The following CFAP58 variants were observed in gnomAD, a reference collection of about 807,000 sequenced individuals.
CFAP58 encodes the protein cilia- and flagella-associated protein 58.
Under a neutral mutation model 119.5 loss-of-function variants are expected in CFAP58, and 88 were observed. The observed-to-expected ratio is 0.74, with a 90% CI of 0.62 to 0.88. The LOEUF is 0.88. CFAP58 is among the 40% of genes least tolerant of loss of function. CFAP58 has a pLI of 0.00. For missense variants in CFAP58, 990 were observed against 1,021.2 expected, an observed-to-expected ratio of 0.97 and a Z score of 0.42; for synonymous variants, 365 against 366.3, an observed-to-expected ratio of 1.00 and a Z score of 0.04.
At chr10:104,393,523 C>T (rs760476539) in intron 11 of CFAP58, 48 bp downstream of exon 11, 3 of 1,551,622 alleles carry the variant, frequency 1.9e-6, no homozygotes, top group South Asian at 2.4e-5. Flanking sequence ...CATCAGCCCG[C>T]TCAGGCGGCC....
chr10:104,376,375 T>C (rs2011662316), intron 7 of CFAP58, among the ~76,000 whole-genome samples: 1 of 151,628 alleles, frequency 6.6e-6, no homozygotes, highest in Non-Finnish European at 1.5e-5. Context: ...ATGGTGGTGC[T>C]GCACCTGTAG....
At chr10:104,349,084 C>T (rs1419969806), upstream of CFAP58, among the ~76,000 whole-genome samples, 1 of 152,030 alleles carries the variant, frequency 6.6e-6, no homozygotes, top group African/African-American at 2.4e-5. Flanking sequence ...CTGTCTCTAA[C>T]AAAAATATAA....
chr10:104,382,194 C>T (rs1372494173), intron 9 of CFAP58: 3 of 717,360 alleles, frequency 4.2e-6, no homozygotes, highest in South Asian at 3.0e-5. Context: ...CCTCAGGGAG[C>T]TTCTGAGCCT....
In CFAP58 at chr10:104,441,032, T is replaced by C. The variant is rs553295229; in HGVS notation, c.2257-6666T>C. Among the ~76,000 whole-genome samples the C allele has an allele frequency of 7.2e-5, 11 of 152,356 alleles. No individual in the cohort carries two copies. In the South Asian group the frequency reaches 2.1e-3, roughly 29 times the overall value. On this transcript the variant is annotated intron_variant, in intron 15 of 17. Transcript: ENST00000369704. ...TTTTTGGTGGGGAGTGGACAGAGTC[T>C]CATTCTGTCACCCAGGCTGGAGTGC... is the stretch of plus-strand genomic sequence containing the variant.
At chr10:104,356,674 G>T (rs889433396) in intron 1 of CFAP58, among the ~76,000 whole-genome samples, 1 of 142,252 alleles carries the variant, frequency 7.0e-6, no homozygotes, top group Admixed American at 6.9e-5. Context: ...TTTTTTCTGA[G>T]ATTTTTTTTT....
intron 8 of CFAP58, among the ~76,000 whole-genome samples, chr10:104,379,086 A>T (rs2011728388): frequency 6.6e-6 from 1 of 152,176 alleles, no homozygotes; most frequent in Non-Finnish European, 1.5e-5. Context: ...TACATTCACA[A>T]TGTTGGGCAA....
At chr10:104,383,211 T>C (rs947498865) in intron 9 of CFAP58, among the ~76,000 whole-genome samples, 1 of 152,222 alleles carries the variant, frequency 6.6e-6, no homozygotes, top group African/African-American at 2.4e-5. Context: ...TGGTTCCTTA[T>C]GGGCAGAGCT....
At chr10:104,438,341 G>GT (rs1325921091) in intron 15 of CFAP58, among the ~76,000 whole-genome samples, 2 of 101,290 alleles carry the variant, frequency 2.0e-5, no homozygotes, top group African/African-American at 4.5e-5. Context: ...TTTGTTTTTT[G>GT]TTTTTTGTTT....
At position 104,446,396 on chromosome 10, in the gene CFAP58, T is replaced by G. The variant is rs143468551; in HGVS notation, c.2257-1302T>G. On this transcript the variant is annotated intron_variant, in intron 15 of 17. Transcript: ENST00000369704. Reference sequence around the variant, plus strand: ...TTTTTAAGTTGCATACACTCTTCTATAAATAGAGCTATGTTTTTGTAATGG... The same window carrying G: ...TTTTTAAGTTGCATACACTCTTCTAGAAATAGAGCTATGTTTTTGTAATGG... Among the ~76,000 whole-genome samples the G allele has an allele frequency of 3.4e-3, 521 of 152,358 alleles. 1 individual carries two copies. The highest frequency in any genetic ancestry group is 5.4e-3 in the Non-Finnish European group (364 of 68,032).
chr10:104,430,444 CACTT>C (rs1446941804), intron 15 of CFAP58, among the ~76,000 whole-genome samples: 1 of 152,232 alleles, frequency 6.6e-6, no homozygotes, highest in Admixed American at 6.5e-5. Flanking sequence ...ATTACCTTCT[CACTT>C]ACAGTCTTCT....
At chr10:104,379,366 G>A (rs1037753037) in intron 8 of CFAP58, among the ~76,000 whole-genome samples, 1 of 152,152 alleles carries the variant, frequency 6.6e-6, no homozygotes, top group Non-Finnish European at 1.5e-5. Context: ...ACGGCTGAAT[G>A]CTATTCCACT....
intron 3 of CFAP58, among the ~76,000 whole-genome samples, chr10:104,362,735 C>G (rs1191549515): frequency 6.6e-6 from 1 of 152,182 alleles, no homozygotes; most frequent in East Asian, 1.9e-4. Flanking sequence ...GTCTCCCTGC[C>G]TACAGAAGAC....
intron 6 of CFAP58, among the ~76,000 whole-genome samples, chr10:104,369,215 T>G (rs989667987): frequency 2.0e-5 from 3 of 152,234 alleles, no homozygotes; most frequent in African/African-American, 7.2e-5. Context: ...ATACTGGATG[T>G]AAAAAGAGTG....
intron 15 of CFAP58, among the ~76,000 whole-genome samples, chr10:104,437,095 T>C (rs1019622128): frequency 1.3e-5 from 2 of 152,246 alleles, no homozygotes; most frequent in Non-Finnish European, 2.9e-5. Context: ...TTCTAGTTGT[T>C]TTATTTGGGC....
Position 104,399,368 on chromosome 10 carries a change from G to A in CFAP58, c.1683G>A (p.Leu561=). 6.2e-7 allele frequency: 1 copy of A among 1,613,626 alleles called. No individual in the cohort carries two copies. Among genetic ancestry groups the A allele is most frequent in the Non-Finnish European group, 8.5e-7 (1 of 1,179,732 alleles). ...EKEKETLKAE[L]QKLRQQALET... ...CTTCCACTCTTTGTCAGGCTGAGCT[G>A]CAGAAGCTGAGACAACAAGCCCTGG... Residue 561 remains leucine (L), a synonymous_variant, in exon 12 of 18, where the codon CTG becomes CTA. Transcript: ENST00000369704.
intron 15 of CFAP58, among the ~76,000 whole-genome samples, chr10:104,412,503 C>T (rs1024816148): frequency 2.6e-5 from 4 of 152,070 alleles, no homozygotes; most frequent in Non-Finnish European, 5.9e-5. Context: ...GCCTTGTTAT[C>T]TTGCTGAAGC....
At chr10:104,428,084 G>T (rs555351197) in intron 15 of CFAP58, among the ~76,000 whole-genome samples, 1 of 152,292 alleles carries the variant, frequency 6.6e-6, no homozygotes, top group East Asian at 1.9e-4. Context: ...GAAGGGCAAA[G>T]CTCATTTGGT....
At chr10:104,428,586 A>G (rs761984178) in intron 15 of CFAP58, among the ~76,000 whole-genome samples, 4 of 152,168 alleles carry the variant, frequency 2.6e-5, no homozygotes, top group Non-Finnish European at 4.4e-5. Flanking sequence ...CATTTTAAAG[A>G]GAGGGATGGG....
At chr10:104,343,621 T>C in the CFAP58 span, among the ~76,000 whole-genome samples, 2 of 152,260 alleles carry the variant, frequency 1.3e-5, no homozygotes, top group African/African-American at 2.4e-5. Flanking sequence ...ACAATTGTTA[T>C]GTTTACTGAA....
Sources: allele counts gnomAD v4.1 joint callset (sites outside exome capture counted in the v4.1 genomes callset), GRCh38; gene constraint gnomAD v4.1.1; transcripts MANE v1.5; gene names NCBI Gene and HGNC (gene_info 2026-07-23, HGNC 2026-07-21).